VCL: variants seen among roughly 807,000 people sequenced by gnomAD.
VCL encodes epididymis luminal protein 114.
VCL carries 47 observed loss-of-function variants against 125.7 expected under a neutral mutation model. The ratio of observed to expected loss-of-function variants is 0.37; its 90% CI spans 0.30 to 0.48. VCL has a LOEUF of 0.48. Among genes scored for constraint, VCL ranks in the 20% least tolerant of loss-of-function variants. The pLI is 0.99. For synonymous variants in VCL, 458 were observed against 514.6 expected (o/e 0.89, Z 1.49); for missense variants, 1,069 against 1,455.5 (o/e 0.73, Z 4.32).
At chr10:74,035,096 T>C (rs568085547) in intron 1 of VCL, among the ~76,000 whole-genome samples, 1 of 152,360 alleles carries the variant, frequency 6.6e-6, no homozygotes, top group South Asian at 2.1e-4. Flanking sequence ...TGTAATGTTC[T>C]TTAGTTACGA....
chr10:74,037,425 C>T (rs1198482458), intron 1 of VCL, among the ~76,000 whole-genome samples: 1 of 152,180 alleles, frequency 6.6e-6, no homozygotes, highest in Non-Finnish European at 1.5e-5. Context: ...TAGATCTTTA[C>T]AAAGTGGTTC....
chr10:74,087,882 A>T (rs977257348), intron 8 of VCL, among the ~76,000 whole-genome samples: 3 of 152,158 alleles, frequency 2.0e-5, no homozygotes, highest in Non-Finnish European at 4.4e-5. Flanking sequence ...AGGCCGAGGC[A>T]GGAGAATTGC....
intron 8 of VCL, among the ~76,000 whole-genome samples, chr10:74,084,760 G>A (rs543714530): frequency 2.0e-5 from 3 of 152,024 alleles, no homozygotes; most frequent in Admixed American, 6.6e-5. Context: ...TTACAGGAAT[G>A]CGCCACCATG....
chr10:74,110,952 T>A (rs1196558433), intron 18 of VCL, among the ~76,000 whole-genome samples: 2 of 152,212 alleles, frequency 1.3e-5, no homozygotes, highest in African/African-American at 4.8e-5. Flanking sequence ...GCACCATTCT[T>A]CTGAGCTTCT....
At chr10:74,096,126 A>G (rs1839964434) in intron 12 of VCL, among the ~76,000 whole-genome samples, 1 of 146,694 alleles carries the variant, frequency 6.8e-6, no homozygotes, top group Non-Finnish European at 1.5e-5. Flanking sequence ...ACTTTTATTT[A>G]GCCAATATTT....
At chr10:74,094,584 G>A (rs899087668) in intron 11 of VCL, 123 bp downstream of exon 11, 2 of 1,211,710 alleles carry the variant, frequency 1.7e-6, no homozygotes, top group Non-Finnish European at 2.4e-6. Context: ...ATAAGTAACT[G>A]TGATTCCATT....
rs1839556547 is a variant in VCL at position 74,074,806 on chromosome 10, A to C, written c.686A>C (p.Asn229Thr). ...KNQGIEEALKNRNFTVEKMSA... is the reference protein window; with the variant it reads ...KNQGIEEALKTRNFTVEKMSA... Reference sequence around the variant, plus strand: ...CAAGGCATAGAGGAAGCTTTAAAAAATCGCAATTTTACTGTAGAAAAAATG... The same window carrying C: ...CAAGGCATAGAGGAAGCTTTAAAAACTCGCAATTTTACTGTAGAAAAAATG... The change falls in exon 6 of 22, where the codon AAT becomes ACT. Residue 229 changes from asparagine (N) to threonine (T), a missense_variant. By Grantham distance (65) the Asn-to-Thr change is moderately conservative (BLOSUM62 0). Transcript: ENST00000211998. The C allele has an allele frequency of 6.2e-7, 1 of 1,614,202 alleles. No homozygotes were observed. The highest frequency in any genetic ancestry group is 8.5e-7 in the Non-Finnish European group (1 of 1,180,022).
At chr10:74,032,709 A>AATAT (rs71482564) in intron 1 of VCL, among the ~76,000 whole-genome samples, 10 of 138,080 alleles carry the variant, frequency 7.2e-5, no homozygotes, top group East Asian at 6.0e-4. Context: ...CAAAAAAAAA[A>AATAT]ATATATATAT....
rs557041089 is a variant in VCL, at chr10:74,047,800, C to T, written c.239+4647C>T. 5.9e-5 allele frequency among the ~76,000 whole-genome samples: 9 copies of T among 152,134 alleles called. No individual in the cohort carries two copies. In the South Asian group the frequency reaches 1.9e-3, roughly 32 times the overall value. ...TATCATAGGCTATTTGTGTGATTGG[C>T]AATTAGGGCATATGGAAAAATGGGT... On this transcript the variant is annotated intron_variant, in intron 2 of 21. Coordinates refer to ENST00000211998, the MANE Select transcript of VCL (RefSeq NM_014000.3).
At position 74,090,082 on chromosome 10, in the gene VCL, G is replaced by A. The variant is rs757353180; in HGVS notation, c.1236G>A (p.Leu412=). The part of the protein sequence containing the change: ...PEGEEQIRGA[L]AEARKIAELC... ...GAGAAGAGCAGATTCGAGGTGCTTT[G>A]GCTGAAGCTCGGAAAATAGCAGAAT... The change falls in exon 10 of 22, where the codon TTG becomes TTA. Residue 412 remains leucine (L), a synonymous_variant. Transcript: ENST00000211998. 2.5e-6 allele frequency: 4 copies of A among 1,613,998 alleles called. No homozygotes were observed. The East Asian group carries it at 8.9e-5, about 36-fold the overall frequency.
intron 8 of VCL, among the ~76,000 whole-genome samples, chr10:74,085,287 A>T (rs544349509): frequency 6.6e-6 from 1 of 152,240 alleles, no homozygotes; most frequent in Non-Finnish European, 1.5e-5. Context: ...TTTACTAGCC[A>T]TAGGCTTATG....
At chr10:74,076,629 G>A (rs1350037756) in intron 6 of VCL, 1 of 152,656 alleles carries the variant, frequency 6.6e-6, no homozygotes, top group Non-Finnish European at 1.5e-5. Context: ...AGGCTAGAGA[G>A]CTTAGATGAG....
intron 1 of VCL, 58 bp downstream of exon 1, chr10:73,998,433 C>T: frequency 7.6e-7 from 1 of 1,312,820 alleles, no homozygotes; most frequent in Non-Finnish European, 9.7e-7. Context: ...GGGGCCCCGG[C>T]CCGCGTCGCG....
chr10:74,015,541 C>CA (rs879630106), intron 1 of VCL, among the ~76,000 whole-genome samples: 61 of 141,608 alleles, frequency 4.3e-4, no homozygotes, highest in East Asian at 6.1e-4. Flanking sequence ...ACTCTGTCTC[C>CA]AAAAAAAAAA....
intron 1 of VCL, among the ~76,000 whole-genome samples, chr10:73,999,236 G>T (rs1340287320): frequency 1.3e-5 from 2 of 152,188 alleles, no homozygotes; most frequent in African/African-American, 4.8e-5. Context: ...TGGAGCTGTT[G>T]GGAGAGGCCT....
intron 18 of VCL, among the ~76,000 whole-genome samples, chr10:74,109,712 T>C (rs1298538038): frequency 6.6e-6 from 1 of 152,154 alleles, no homozygotes; most frequent in Admixed American, 6.5e-5. Flanking sequence ...GGTGTAAATA[T>C]TAATGTGGTT....
chr10:74,091,436 C>T (rs1449581015), intron 10 of VCL, among the ~76,000 whole-genome samples: 1 of 152,090 alleles, frequency 6.6e-6, no homozygotes, highest in African/African-American at 2.4e-5. Flanking sequence ...CTTTGTTCAC[C>T]TTTATAAAGG....
In VCL at chr10:74,118,252, G is replaced by C; in HGVS notation, c.*83G>C. 3 of 1,571,268 alleles carry C rather than the reference G, an allele frequency of 1.9e-6. No homozygotes were observed. The highest frequency in any genetic ancestry group is 2.3e-5 in the South Asian group (2 of 88,602). Reference sequence around the variant, plus strand: ...TGAGTCCCAGGAGCTGCCCAGAGTTGCTGGGAGCTGAAAAATCACATCCTG... The same window carrying C: ...TGAGTCCCAGGAGCTGCCCAGAGTTCCTGGGAGCTGAAAAATCACATCCTG... On this transcript the variant is annotated 3_prime_UTR_variant, in exon 22 of 22. Coordinates refer to ENST00000211998, the MANE Select transcript of VCL (RefSeq NM_014000.3).
At chr10:74,058,891 G>A (rs1841429874) in intron 2 of VCL, among the ~76,000 whole-genome samples, 1 of 66,868 alleles carries the variant, frequency 1.5e-5, no homozygotes, top group South Asian at 3.4e-4. Context: ...CACAGAAAGG[G>A]TGTGTGTGTG....
Sources: gnomAD v4.1 joint callset for allele counts (sites outside exome capture counted in the v4.1 genomes callset) on GRCh38, gnomAD v4.1.1 for gene constraint, MANE v1.5 for transcripts, NCBI Gene and HGNC (gene_info 2026-07-23, HGNC 2026-07-21) for gene names.